Variants in DPP10 observed in about 807,000 individuals in gnomAD.
DPP10 encodes the protein dipeptidyl peptidase like 10, also known as inactive dipeptidyl peptidase 10.
A neutral mutation model predicts 120.9 loss-of-function variants in DPP10; 33 were observed. That is an observed-to-expected ratio of 0.27 (90% CI 0.21 to 0.37). The LOEUF (loss-of-function observed/expected upper bound fraction) is 0.37. Among genes scored for constraint, DPP10 ranks in the 10% least tolerant of loss-of-function variants. The probability of loss-of-function intolerance (pLI) is 1.00; values close to 1 mark genes in which losing one functional copy is unlikely to be tolerated. For missense variants in DPP10, 816 were observed against 942.8 expected (o/e 0.87, Z 1.76); for synonymous variants, 337 against 326.1 (o/e 1.03, Z -0.36).
chr2:115,467,520 T>C (rs537094164), intron 3 of DPP10, among the ~76,000 whole-genome samples: 1 of 149,864 alleles, frequency 6.7e-6, no homozygotes, highest in East Asian at 2.0e-4. Context: ...GAGGTTGCAG[T>C]GAGCCGAGAT....
chr2:114,830,758 C>T (rs2106396909), intron 1 of DPP10, among the ~76,000 whole-genome samples: 1 of 152,020 alleles, frequency 6.6e-6, no homozygotes, highest in Admixed American at 6.6e-5. Flanking sequence ...CTTTATCAGG[C>T]CTAACAGAAT....
intron 2 of DPP10, among the ~76,000 whole-genome samples, chr2:115,334,995 A>G (rs545460895): frequency 6.6e-6 from 1 of 151,714 alleles, no homozygotes; most frequent in East Asian, 1.9e-4. Flanking sequence ...TGGGATATTT[A>G]CAAAAGACGA....
intron 4 of DPP10, among the ~76,000 whole-genome samples, chr2:115,521,844 T>C (rs1207372523): frequency 6.6e-6 from 1 of 152,192 alleles, no homozygotes; most frequent in Non-Finnish European, 1.5e-5. Context: ...TTACCACTTA[T>C]GAAAACAGTA....
At chr2:115,057,284 AAT>A (rs1224652223) in intron 1 of DPP10, among the ~76,000 whole-genome samples, 1 of 152,198 alleles carries the variant, frequency 6.6e-6, no homozygotes, top group Admixed American at 6.5e-5. Context: ...CTGAGGTAGA[AAT>A]AGTAGAGTTT....
intron 1 of DPP10, among the ~76,000 whole-genome samples, chr2:114,481,536 C>A (rs1003319005): frequency 6.6e-6 from 1 of 152,052 alleles, no homozygotes; most frequent in Non-Finnish European, 1.5e-5. Context: ...CCAGAGAAAT[C>A]AAAACTCATG....
intron 2 of DPP10, among the ~76,000 whole-genome samples, chr2:115,317,987 C>T (rs1375856511): frequency 6.6e-6 from 1 of 152,018 alleles, no homozygotes; most frequent in Admixed American, 6.6e-5. Context: ...ATTGCTTGTG[C>T]TTCTGATGTC....
intron 4 of DPP10, among the ~76,000 whole-genome samples, chr2:115,524,170 G>A (rs530980637): frequency 1.2e-4 from 19 of 152,144 alleles, no homozygotes; most frequent in East Asian, 3.9e-4. Context: ...AGGAATTAGC[G>A]TACACCCACA....
chr2:115,801,185 C>G (rs1685192720), intron 19 of DPP10, among the ~76,000 whole-genome samples: 1 of 150,090 alleles, frequency 6.7e-6, no homozygotes, highest in Admixed American at 6.6e-5. Context: ...GTATTTTATT[C>G]TCTTTGAAAC....
At chr2:114,645,040 C>T (rs1010539130) in intron 1 of DPP10, among the ~76,000 whole-genome samples, 9 of 151,174 alleles carry the variant, frequency 6.0e-5, no homozygotes, top group African/African-American at 2.2e-4. Flanking sequence ...AAATGGCAGA[C>T]AGATCTTACT....
chr2:115,771,151 T>C (rs1462793303), intron 13 of DPP10, among the ~76,000 whole-genome samples: 1 of 151,998 alleles, frequency 6.6e-6, no homozygotes, highest in African/African-American at 2.4e-5. Context: ...CTCGGCTCAC[T>C]GCAACCCCCT....
intron 1 of DPP10, among the ~76,000 whole-genome samples, chr2:114,977,190 A>G (rs944983624): frequency 6.6e-6 from 1 of 151,954 alleles, no homozygotes; most frequent in Non-Finnish European, 1.5e-5. Context: ...ATCTTGTGCA[A>G]TTGTCTCTGT....
intron 5 of DPP10, among the ~76,000 whole-genome samples, chr2:115,669,778 C>T (rs908781141): frequency 2.6e-5 from 4 of 152,068 alleles, no homozygotes; most frequent in African/African-American, 4.8e-5. Context: ...TCATTGCCAC[C>T]ATAGCATAAT....
At chr2:115,785,144 G>T (rs1000999581) in intron 17 of DPP10, among the ~76,000 whole-genome samples, 1 of 152,148 alleles carries the variant, frequency 6.6e-6, no homozygotes, top group South Asian at 2.1e-4. Flanking sequence ...AGGAAATCTT[G>T]TAGGCAACTG....
intron 1 of DPP10, among the ~76,000 whole-genome samples, chr2:114,850,129 T>G (rs1688844562): frequency 6.6e-6 from 1 of 151,362 alleles, no homozygotes. Flanking sequence ...CAAGTGATCC[T>G]CCCACTTCAG....
At chr2:114,714,110 C>T (rs1244231179) in intron 1 of DPP10, among the ~76,000 whole-genome samples, 1 of 146,722 alleles carries the variant, frequency 6.8e-6, no homozygotes, top group Admixed American at 6.8e-5. Flanking sequence ...TGTGTGTTTG[C>T]GCGTGCGTGC....
At chr2:115,130,462 TTCCATCCATGCA>T (rs1335528196) in intron 1 of DPP10, among the ~76,000 whole-genome samples, 31 of 150,184 alleles carry the variant, frequency 2.1e-4, no homozygotes, top group East Asian at 2.0e-3. Flanking sequence ...GGTATTATCC[TTCCATCCATGCA>T]TCCATCCATG....
chr2:115,392,494 G>A (rs541716387), intron 3 of DPP10, among the ~76,000 whole-genome samples: 7 of 151,788 alleles, frequency 4.6e-5, no homozygotes, highest in African/African-American at 9.7e-5. Flanking sequence ...TCATTAAAAC[G>A]TGTATACATA....
chr2:115,385,090 G>C (rs1390689587), intron 3 of DPP10, among the ~76,000 whole-genome samples: 1 of 152,166 alleles, frequency 6.6e-6, no homozygotes, highest in Non-Finnish European at 1.5e-5. Flanking sequence ...GTCTGTAACT[G>C]TAAGTCCAAT....
At chr2:115,068,661 G>A (rs188619681) in intron 1 of DPP10, among the ~76,000 whole-genome samples, 1 of 152,038 alleles carries the variant, frequency 6.6e-6, no homozygotes, top group African/African-American at 2.4e-5. Context: ...GTCAAAAGGG[G>A]TTTTTTCCTA....
Sources: allele counts gnomAD v4.1 joint callset (sites outside exome capture counted in the v4.1 genomes callset), GRCh38; gene constraint gnomAD v4.1.1; transcripts MANE v1.5; gene names NCBI Gene and HGNC (gene_info 2026-07-23, HGNC 2026-07-21).